TEX11: variants seen among roughly 807,000 people sequenced by gnomAD.
TEX11 encodes the protein testis-expressed protein 11.
Under a neutral mutation model 84.4 loss-of-function variants are expected in TEX11, and 7 were observed. The ratio of observed to expected loss-of-function variants is 0.08; its 90% confidence interval spans 0.05 to 0.16. TEX11 has a LOEUF of 0.16. Among genes scored for constraint, TEX11 ranks in the 10% least tolerant of loss-of-function variants. The pLI is 1.00. For missense variants in TEX11, 551 were observed against 660.5 expected, an observed-to-expected ratio of 0.83 and a Z score of 1.82; for synonymous variants, 264 against 222.8, an observed-to-expected ratio of 1.18 and a Z score of -1.64.
chrX:70,720,328 T>C (rs768368154), intron 13 of TEX11, among the ~76,000 whole-genome samples: 110 of 110,048 alleles, frequency 1.0e-3, no homozygotes, highest in Non-Finnish European at 1.8e-3. Context: ...ATGAGAACAC[T>C]TGGACACAGG....
At chrX:70,555,222 A>C (rs183959221) in intron 25 of TEX11, among the ~76,000 whole-genome samples, 20 of 112,160 alleles carry the variant, frequency 1.8e-4, no homozygotes, top group Admixed American at 3.8e-4. Flanking sequence ...ATAAACCAAC[A>C]GTGACTTTAT....
chrX:70,761,589 A>G (rs2147769720), intron 9 of TEX11, among the ~76,000 whole-genome samples: 1 of 112,141 alleles, frequency 8.9e-6, no homozygotes, highest in Non-Finnish European at 1.9e-5. Flanking sequence ...GGTGGGGAAC[A>G]TCACACAATA....
intron 4 of TEX11, among the ~76,000 whole-genome samples, chrX:70,870,976 G>T (rs1217579381): frequency 2.7e-5 from 3 of 111,700 alleles, no homozygotes; most frequent in African/African-American, 9.8e-5. Flanking sequence ...GCAATGGTGC[G>T]ATCTCAGCTC....
At chrX:70,792,809 G>C (rs898251596) in intron 9 of TEX11, among the ~76,000 whole-genome samples, 1 of 110,840 alleles carries the variant, frequency 9.0e-6, no homozygotes, top group Non-Finnish European at 1.9e-5. Flanking sequence ...TCAAAGAGGA[G>C]AGACTCCTCC....
chrX:70,581,662 G>A (rs909817175), intron 25 of TEX11, among the ~76,000 whole-genome samples: 2 of 111,169 alleles, frequency 1.8e-5, no homozygotes, highest in African/African-American at 6.5e-5. Flanking sequence ...TCATGTTAAT[G>A]GTTGTGTTCA....
At chrX:70,763,832 T>A (rs2090924215) in intron 9 of TEX11, among the ~76,000 whole-genome samples, 1 of 111,532 alleles carries the variant, frequency 9.0e-6, no homozygotes, top group African/African-American at 3.3e-5. Flanking sequence ...CACCCAGATA[T>A]ATAAAGCAAA....
chrX:70,828,840 A>T (rs1378818340), intron 8 of TEX11, among the ~76,000 whole-genome samples: 1 of 111,378 alleles, frequency 9.0e-6, no homozygotes, highest in Non-Finnish European at 1.9e-5. Context: ...AATCCCAAAA[A>T]CAGTAAAAGA....
At chrX:70,552,780 G>A (rs1285803717) in intron 27 of TEX11, among the ~76,000 whole-genome samples, 1 of 111,760 alleles carries the variant, frequency 8.9e-6, no homozygotes, top group Non-Finnish European at 1.9e-5. Context: ...GAAAAATAAT[G>A]AGGCAAACAT....
chrX:70,542,924 G>A (rs2088065525), intron 28 of TEX11, among the ~76,000 whole-genome samples: 2 of 112,561 alleles, frequency 1.8e-5, no homozygotes, highest in Non-Finnish European at 3.8e-5. Context: ...GCTCACGCCT[G>A]TAATCCCAGC....
In TEX11 at chrX:70,717,308, A is replaced by G. The variant is rs1325346938; in HGVS notation, c.1004+5310T>C. ...TTAGCTTAGTCCATTACAGAACTTC[A>G]TTCACTTTCTTTTCTTTTTTTTTTT... On this transcript the variant is annotated intron_variant, in intron 13 of 29. Coordinates refer to ENST00000374333, the MANE Select transcript of TEX11 (RefSeq NM_031276.3). Among the ~76,000 whole-genome samples the G allele has an allele frequency of 1.8e-4, 20 of 110,078 alleles. No individual in the cohort carries two copies. In the Admixed American group the frequency reaches 1.8e-3, roughly 10 times the overall value.
intron 11 of TEX11, among the ~76,000 whole-genome samples, chrX:70,731,649 G>A (rs888373808): frequency 9.0e-6 from 1 of 111,364 alleles, no homozygotes; most frequent in African/African-American, 3.3e-5. Context: ...CTCTAAAATT[G>A]AGGCAATAAT....
At chrX:70,715,911 T>C (rs1398352524) in intron 13 of TEX11, among the ~76,000 whole-genome samples, 1 of 111,859 alleles carries the variant, frequency 8.9e-6, no homozygotes, top group Admixed American at 9.5e-5. Flanking sequence ...TTTTTCCCCA[T>C]CTTTGTGGTT....
intron 9 of TEX11, among the ~76,000 whole-genome samples, chrX:70,759,522 A>C (rs1281034410): frequency 8.9e-6 from 1 of 112,097 alleles, no homozygotes; most frequent in Non-Finnish European, 1.9e-5. Context: ...CCATATGATT[A>C]TCTCAATAAA....
chrX:70,688,627 A>G (rs2090208660), intron 13 of TEX11, among the ~76,000 whole-genome samples: 1 of 110,051 alleles, frequency 9.1e-6, no homozygotes. Context: ...GAGATGAGGC[A>G]CAGAGGATTT....
At chrX:70,841,919 A>C (rs1331766261) in intron 7 of TEX11, among the ~76,000 whole-genome samples, 11 of 112,021 alleles carry the variant, frequency 9.8e-5, no homozygotes, top group African/African-American at 3.6e-4. Flanking sequence ...CACCCTCCCA[A>C]GACTAAACCA....
chrX:70,678,721 G>C (rs993488245), intron 15 of TEX11, 83 bp downstream of exon 15: 1 of 731,717 alleles, frequency 1.4e-6, no homozygotes, highest in African/African-American at 2.1e-5. Flanking sequence ...TGAAGTATTT[G>C]ATGCTCTTTT....
chrX:70,543,015 A>C (rs995040629), intron 28 of TEX11, among the ~76,000 whole-genome samples: 2 of 110,470 alleles, frequency 1.8e-5, no homozygotes, highest in Non-Finnish European at 3.8e-5. Context: ...CCCCGTCTCT[A>C]CTAAAAATGC....
chrX:70,785,699 C>G (rs1208552017), intron 9 of TEX11, among the ~76,000 whole-genome samples: 2 of 112,088 alleles, frequency 1.8e-5, no homozygotes, highest in Non-Finnish European at 3.8e-5. Flanking sequence ...ATTTATGCAG[C>G]CAACAGACAC....
chrX:70,840,540 C>A (rs1481228370), intron 7 of TEX11, among the ~76,000 whole-genome samples: 1 of 111,819 alleles, frequency 8.9e-6, no homozygotes, highest in Non-Finnish European at 1.9e-5. Context: ...AAATTGTAAA[C>A]GCCATCAAGG....
Sources: allele counts gnomAD v4.1 joint callset (sites outside exome capture counted in the v4.1 genomes callset), GRCh38; gene constraint gnomAD v4.1.1; transcripts MANE v1.5; gene names NCBI Gene and HGNC (gene_info 2026-07-23, HGNC 2026-07-21).